ITFG1: variants seen among roughly 807,000 people sequenced by gnomAD.
ITFG1 encodes the protein T-cell immunomodulatory protein.
A neutral mutation model predicts 81.8 loss-of-function variants in ITFG1; 34 were observed. The ratio of observed to expected loss-of-function variants is 0.42; its 90% CI spans 0.32 to 0.55. The LOEUF is 0.55. Among genes scored for constraint, ITFG1 ranks in the 20% least tolerant of loss-of-function variants. ITFG1 has a pLI of 0.17. For synonymous variants in ITFG1, 285 were observed against 270.6 expected, an observed-to-expected ratio of 1.05 and a Z score of -0.52; for missense variants, 672 against 755.4, an observed-to-expected ratio of 0.89 and a Z score of 1.29.
At chr16:47,433,109 C>A (rs1332109933) in intron 5 of ITFG1, among the ~76,000 whole-genome samples, 1 of 152,126 alleles carries the variant, frequency 6.6e-6, no homozygotes, top group Admixed American at 6.5e-5. Flanking sequence ...TAAATTATGG[C>A]TAGAATTTTG....
chr16:47,277,395 G>A (rs530583465), intron 10 of ITFG1, among the ~76,000 whole-genome samples: 259 of 152,232 alleles, frequency 1.7e-3, no homozygotes, highest in Non-Finnish European at 2.4e-3. Context: ...TTTGGGGTCC[G>A]ATGCCATAGG....
intron 6 of ITFG1, among the ~76,000 whole-genome samples, chr16:47,388,002 T>C (rs1968484245): frequency 6.6e-6 from 1 of 150,624 alleles, no homozygotes; most frequent in East Asian, 1.9e-4. Context: ...AAAATATCCA[T>C]AGACAGAAAT....
rs755437377 is a variant in ITFG1, at chr16:47,311,349, C to G, written c.961G>C (p.Asp321His). The G allele has an allele frequency of 6.2e-7, 1 of 1,613,856 alleles. No homozygotes were observed. Among genetic ancestry groups the G allele is most frequent in the South Asian group, 1.1e-5 (1 of 91,076 alleles). ...GTLWGFVPFV[D>H]EQQPTEIPIP... is the part of the protein sequence containing the mutation. ...GGTATTTCAGTTGGTTGCTGTTCATCCACAAATGGCACAAAGCCCCAGAGT... is the reference window on the plus strand; with the variant it reads ...GGTATTTCAGTTGGTTGCTGTTCATGCACAAATGGCACAAAGCCCCAGAGT... Residue 321 changes from aspartate (D) to histidine (H), a missense_variant, in exon 10 of 18, where the codon GAT (aspartate) becomes CAT (histidine). Coordinates refer to ENST00000320640, the MANE Select transcript of ITFG1 (RefSeq NM_030790.5).
At chr16:47,204,243 C>A (rs1334597249) in intron 14 of ITFG1, among the ~76,000 whole-genome samples, 1 of 152,150 alleles carries the variant, frequency 6.6e-6, no homozygotes, top group East Asian at 1.9e-4. Flanking sequence ...GTCAACCACA[C>A]CTATACCAAC....
Position 47,238,014 on chromosome 16 carries a change from G to GA in ITFG1, c.1331-7dup. 1 of 1,461,806 alleles carries GA rather than the reference G, an allele frequency of 6.8e-7. No individual in the cohort carries two copies. The highest frequency in any genetic ancestry group is 9.3e-7 in the Non-Finnish European group (1 of 1,080,198). 90.6% of individuals were successfully genotyped at this position (1,461,806 alleles called of 1,614,324 possible). A position where few individuals can be genotyped will look rare whatever the true frequency, so the allele number is the denominator to read the frequency against. On this transcript the variant is annotated splice_polypyrimidine_tract_variant and splice_region_variant and intron_variant, in intron 12 of 17. Coordinates refer to ENST00000320640, the MANE Select transcript of ITFG1 (RefSeq NM_030790.5). Reference sequence around the variant, plus strand: ...AGAACACAGACCACTAAGAACTGTGGAAAAATAAACAGGCAATTATTACTA... The same window carrying GA: ...AGAACACAGACCACTAAGAACTGTGGAAAAAATAAACAGGCAATTATTACTA...
At chr16:47,401,768 G>C (rs1968664483) in intron 6 of ITFG1, among the ~76,000 whole-genome samples, 1 of 151,998 alleles carries the variant, frequency 6.6e-6, no homozygotes, top group Admixed American at 6.5e-5. Context: ...AAAAAAATCA[G>C]AGACCTCTGG....
At chr16:47,245,145 A>C (rs1957373109) in intron 12 of ITFG1, among the ~76,000 whole-genome samples, 1 of 152,018 alleles carries the variant, frequency 6.6e-6, no homozygotes, top group African/African-American at 2.4e-5. Flanking sequence ...TCAGGAGTTC[A>C]AGACCAGCCT....
rs1339513104 is a variant in ITFG1, at chr16:47,266,470, G to A, written c.1071-5775C>T. On this transcript the variant is annotated intron_variant, in intron 10 of 17. Transcript: ENST00000320640. ...TGACTTCAAGTGATCTGCCCACCTG[G>A]GCCTCCCAAAGAACTGGAATTACAG... Among the ~76,000 whole-genome samples, 3 of 152,072 alleles carry A rather than the reference G, an allele frequency of 2.0e-5. No homozygotes were observed. In the East Asian group the frequency reaches 5.8e-4, roughly 29 times the overall value.
At chr16:47,314,254 T>C (rs1204374314) in intron 8 of ITFG1, among the ~76,000 whole-genome samples, 5 of 152,206 alleles carry the variant, frequency 3.3e-5, no homozygotes, top group African/African-American at 1.2e-4. Context: ...GTTAAAACCA[T>C]CAATTTTTAA....
At chr16:47,424,113 G>A (rs952750972) in intron 6 of ITFG1, among the ~76,000 whole-genome samples, 7 of 152,154 alleles carry the variant, frequency 4.6e-5, no homozygotes, top group African/African-American at 1.4e-4. Context: ...ATTTCTTGGA[G>A]GCTTTGTTCA....
intron 14 of ITFG1, among the ~76,000 whole-genome samples, chr16:47,182,780 T>A (rs1051217698): frequency 5.9e-5 from 9 of 152,216 alleles, no homozygotes; most frequent in Admixed American, 4.6e-4. Context: ...GATGGCCGAA[T>A]AGGAAAAGCT....
intron 16 of ITFG1, among the ~76,000 whole-genome samples, chr16:47,159,298 C>T (rs138387975): frequency 6.6e-6 from 1 of 152,074 alleles, no homozygotes; most frequent in African/African-American, 2.4e-5. Context: ...TAAACATATC[C>T]AAGGGTACTT....
chr16:47,162,545 C>G lies in ITFG1; in HGVS notation c.1573G>C (p.Glu525Gln), dbSNP rs1050970491. ...CAAAATGAATTTTTACTCACTTTTT[C>G]TCCAGATGGACGGGGAATACCAACG... Reference protein sequence around the residue: ...LYVGIPRPSGEKSIRKQEWTA... With the variant: ...LYVGIPRPSGQKSIRKQEWTA... Residue 525 changes from glutamate to glutamine, a missense_variant, in exon 15 of 18, where the codon GAA becomes CAA. By Grantham distance (29) the Glu-to-Gln change is conservative. This residue lies in a region of ITFG1 where 560 missense variants were observed against 625.7 expected (regional missense o/e 0.90). Transcript: ENST00000320640. 3.8e-6 allele frequency: 6 copies of G among 1,597,800 alleles called. No homozygotes were observed. The highest frequency in any genetic ancestry group is 5.1e-6 in the Non-Finnish European group (6 of 1,172,522).
At chr16:47,276,394 T>C (rs1966399521) in intron 10 of ITFG1, among the ~76,000 whole-genome samples, 1 of 152,180 alleles carries the variant, frequency 6.6e-6, no homozygotes, top group South Asian at 2.1e-4. Context: ...GTAAAGACAA[T>C]GTGAATAAAT....
intron 13 of ITFG1, among the ~76,000 whole-genome samples, chr16:47,234,472 G>A (rs1965851405): frequency 6.6e-6 from 1 of 151,920 alleles, no homozygotes; most frequent in Non-Finnish European, 1.5e-5. Flanking sequence ...AAGAGAGAAA[G>A]GCAAAAGAAT....
At chr16:47,227,437 C>T (rs1019807050) in intron 13 of ITFG1, among the ~76,000 whole-genome samples, 1 of 152,086 alleles carries the variant, frequency 6.6e-6, no homozygotes, top group African/African-American at 2.4e-5. Context: ...ATTTTTCATA[C>T]TATCAGTAAA....
intron 14 of ITFG1, among the ~76,000 whole-genome samples, chr16:47,179,022 A>G (rs376689838): frequency 2.0e-5 from 3 of 152,152 alleles, no homozygotes; most frequent in South Asian, 2.1e-4. Context: ...CAAAACCACA[A>G]TGAGATACCA....
rs185916458 is a variant in ITFG1, at chr16:47,311,709, A to C, written c.898-297T>G. 1.5e-3 allele frequency among the ~76,000 whole-genome samples: 235 copies of C among 152,334 alleles called. 1 individual carries two copies. The highest frequency in any genetic ancestry group is 5.5e-3 in the African/African-American group (230 of 41,584). On this transcript the variant is annotated intron_variant, in intron 9 of 17. Coordinates refer to ENST00000320640, the MANE Select transcript of ITFG1 (RefSeq NM_030790.5). ...CTTAGGATTGAACTGATATTAATAC[A>C]CATCTAGTCAGATTACATAATTTAA...
intron 6 of ITFG1, among the ~76,000 whole-genome samples, chr16:47,400,043 A>C (rs1968640986): frequency 6.6e-6 from 1 of 152,286 alleles, no homozygotes; most frequent in Non-Finnish European, 1.5e-5. Flanking sequence ...CTCACCTTGC[A>C]AGGCAGGAAC....
Sources: gnomAD v4.1 joint callset for allele counts (sites outside exome capture counted in the v4.1 genomes callset) on GRCh38, gnomAD v4.1.1 for gene constraint, gnomAD v4.1.1 regional missense constraint, MANE v1.5 for transcripts, NCBI Gene and HGNC (gene_info 2026-07-23, HGNC 2026-07-21) for gene names.